HELZ: variants seen among roughly 807,000 people sequenced by gnomAD.
HELZ encodes the protein ATP-dependent RNA helicase with zinc finger domain.
HELZ carries 23 observed loss-of-function variants against 218.2 expected under a neutral mutation model. The observed-to-expected ratio is 0.11, with a 90% confidence interval of 0.08 to 0.15. HELZ has a LOEUF of 0.15. HELZ is among the 10% of genes least tolerant of loss of function. The pLI is 1.00. For synonymous variants in HELZ, 814 were observed against 829.4 expected (o/e 0.98, Z 0.32); for missense variants, 1,813 against 2,353.7 (o/e 0.77, Z 4.75).
At chr17:67,094,333 A>AAGAGAGAGAGAGAG (rs1555597034) in intron 31 of HELZ, among the ~76,000 whole-genome samples, 18 of 146,564 alleles carry the variant, frequency 1.2e-4, no homozygotes, top group African/African-American at 4.0e-4. Context: ...AAAAAAAAAA[A>AAGAGAGAGAGAGAG]AGAGAGAGAG....
At chr17:67,117,278 GTTCTC>G (rs1411505049) in intron 27 of HELZ, among the ~76,000 whole-genome samples, 14 of 152,126 alleles carry the variant, frequency 9.2e-5, no homozygotes, top group African/African-American at 3.1e-4. Flanking sequence ...TACAAAATAT[GTTCTC>G]TTAACACAAT....
Position 67,114,384 on chromosome 17 carries a change from A to C in HELZ, c.3858T>G (p.Asn1286Lys), listed in dbSNP as rs1279135612. The change falls in exon 28 of 33, where the codon AAT (asparagine) becomes AAG (lysine). Residue 1286 changes from asparagine (N) to lysine (K), a missense_variant. Asn to Lys is a moderately conservative substitution (Grantham distance 94). This residue lies in a region of HELZ where 938 missense variants were observed against 1,027.5 expected (regional missense o/e 0.91). Transcript: ENST00000358691. ...GAATCTTATTAATTTCAGGTCCGGA[A>C]TTATTTGTATCACTTTTACCTAAGA... ...QNRNGKSDTN[N>K]SGPEINKIRT... 1 of 1,608,054 alleles carries C rather than the reference A, an allele frequency of 6.2e-7. No homozygotes were observed. Among genetic ancestry groups the C allele is most frequent in the African/African-American group, 1.3e-5 (1 of 74,800 alleles).
intron 4 of HELZ, among the ~76,000 whole-genome samples, chr17:67,217,421 C>A (rs541328097): frequency 6.6e-6 from 1 of 152,336 alleles, no homozygotes; most frequent in Admixed American, 6.5e-5. Context: ...TTCTAATAGT[C>A]TCCAATCTAG....
chr17:67,082,324 A>C (rs2036220003), intron 32 of HELZ, among the ~76,000 whole-genome samples: 2 of 152,210 alleles, frequency 1.3e-5, no homozygotes, highest in South Asian at 4.1e-4. Context: ...AAGAAACCCC[A>C]CTAATATTTC....
At position 67,166,516 on chromosome 17, in the gene HELZ, G is replaced by A. The variant is rs1007335353; in HGVS notation, c.1857C>T (p.Asp619=). The A allele has an allele frequency of 1.2e-6, 2 of 1,613,216 alleles. No individual in the cohort carries two copies. Among genetic ancestry groups the A allele is most frequent in the Non-Finnish European group, 8.5e-7 (1 of 1,179,268 alleles). Residue 619 remains aspartate (D), a synonymous_variant, in exon 15 of 33, where the codon GAC becomes GAT. Coordinates refer to ENST00000358691, the MANE Select transcript of HELZ (RefSeq NM_014877.4). ...ATGGTATGGTGGGAGTCATACTGAT[G>A]TCTGGAAACAAAACCCCATTGTCCT... ...RIKDNGVLFP[D]ISMTPTIPWS...
At chr17:67,153,758 A>T (rs1047432078) in intron 17 of HELZ, among the ~76,000 whole-genome samples, 5 of 152,248 alleles carry the variant, frequency 3.3e-5, no homozygotes, top group African/African-American at 1.2e-4. Context: ...CACTGCACAA[A>T]TGCAAAAAGG....
intron 31 of HELZ, among the ~76,000 whole-genome samples, chr17:67,099,151 A>G (rs2036843291): frequency 6.6e-6 from 1 of 151,624 alleles, no homozygotes; most frequent in Non-Finnish European, 1.5e-5. Flanking sequence ...TTCTATTCTT[A>G]TCTTTTATTT....
intron 31 of HELZ, among the ~76,000 whole-genome samples, chr17:67,087,929 G>A (rs2036443895): frequency 6.6e-6 from 1 of 151,558 alleles, no homozygotes. Context: ...TAGAGCAGTG[G>A]TTAGGTATCA....
chr17:67,224,130 A>G (rs756953942), intron 3 of HELZ, among the ~76,000 whole-genome samples: 1 of 152,200 alleles, frequency 6.6e-6, no homozygotes, highest in African/African-American at 2.4e-5. Context: ...TCCGAGCCTC[A>G]CAGCCCTGAA....
intron 5 of HELZ, among the ~76,000 whole-genome samples, chr17:67,207,881 T>C (rs560654694): frequency 5.9e-5 from 9 of 152,270 alleles, no homozygotes; most frequent in Non-Finnish European, 8.8e-5. Context: ...TGGCGGCGCA[T>C]ACCCATAATA....
chr17:67,233,918 C>T (rs1368938473), intron 3 of HELZ, among the ~76,000 whole-genome samples: 1 of 151,622 alleles, frequency 6.6e-6, no homozygotes, highest in African/African-American at 2.4e-5. Context: ...TGGTGTCGGG[C>T]ACCTGTAATC....
intron 27 of HELZ, chr17:67,120,002 T>TTC (rs2037554443): frequency 2.9e-6 from 1 of 343,746 alleles, no homozygotes; most frequent in Non-Finnish European, 5.3e-6. Flanking sequence ...TCTTTTTTTT[T>TTC]TTTTTTTTTT....
intron 3 of HELZ, among the ~76,000 whole-genome samples, chr17:67,219,559 G>C (rs951558545): frequency 2.6e-5 from 4 of 152,200 alleles, no homozygotes; most frequent in Non-Finnish European, 5.9e-5. Context: ...GAGCTTTTCA[G>C]AGAGACGAGT....
rs2037878918 is a variant in HELZ at position 67,128,657 on chromosome 17, T to C, written c.3381A>G (p.Pro1127=). ...TCATTAACAGAGGCTTTACCTTGGG[T>C]GGTGATTGCTGCTGTTTGTTGGTAC... ...SGSTNKQQQS[P]PKGKSLHHTQ... is the part of the protein sequence containing the mutation. The change falls in exon 24 of 33, where the codon CCA becomes CCG. Residue 1127 remains proline (P), a synonymous_variant. Coordinates refer to ENST00000358691, the MANE Select transcript of HELZ (RefSeq NM_014877.4). The C allele has an allele frequency of 1.2e-6, 2 of 1,613,770 alleles. No individual in the cohort carries two copies. Among genetic ancestry groups the C allele is most frequent in the Non-Finnish European group, 1.7e-6 (2 of 1,179,634 alleles).
chr17:67,173,541 G>A (rs898793606), intron 13 of HELZ, among the ~76,000 whole-genome samples: 62 of 152,238 alleles, frequency 4.1e-4, no homozygotes, highest in African/African-American at 1.4e-3. Context: ...TCTCTTGAGT[G>A]CAACTTTCAA....
intron 16 of HELZ, among the ~76,000 whole-genome samples, chr17:67,160,579 T>C (rs2038966473): frequency 6.6e-6 from 1 of 152,232 alleles, no homozygotes; most frequent in African/African-American, 2.4e-5. Flanking sequence ...GTCTATCATA[T>C]AAAATATACA....
chr17:67,202,412 G>A lies in HELZ; in HGVS notation c.372+907C>T, dbSNP rs1365345858. On this transcript the variant is annotated intron_variant, in intron 6 of 32. Transcript: ENST00000358691. The stretch of plus-strand genomic sequence containing the variant: ...AGGAGGTTGAAACAGGATCACTTGA[G>A]CCCAAGAGTTCAAAGCTGTAGCGCA... 2.0e-5 allele frequency among the ~76,000 whole-genome samples: 3 copies of A among 152,244 alleles called. No individual in the cohort carries two copies. The East Asian group carries it at 5.8e-4, about 29-fold the overall frequency.
At chr17:67,206,057 G>A (rs7217752) in intron 5 of HELZ, among the ~76,000 whole-genome samples, 31,579 of 151,992 alleles carry the variant, frequency 0.21, 3,531 homozygotes, top group African/African-American at 0.3. Context: ...AAAAAGCTTG[G>A]GGGAAAAAAA....
chr17:67,080,775 G>A (rs980906712), intron 32 of HELZ, among the ~76,000 whole-genome samples: 7 of 152,318 alleles, frequency 4.6e-5, no homozygotes, highest in African/African-American at 1.7e-4. Flanking sequence ...AGTTCTGGGA[G>A]AGCCAGGAGG....
Sources: gnomAD v4.1 joint callset for allele counts (sites outside exome capture counted in the v4.1 genomes callset) on GRCh38, gnomAD v4.1.1 for gene constraint, gnomAD v4.1.1 regional missense constraint, MANE v1.5 for transcripts, NCBI Gene and HGNC (gene_info 2026-07-23, HGNC 2026-07-21) for gene names.